Variants in ANO6 observed in about 807,000 individuals in gnomAD.
The protein encoded by ANO6 is anoctamin 6.
A neutral mutation model predicts 117.5 loss-of-function variants in ANO6; 106 were observed. The observed-to-expected ratio is 0.90, with a 90% CI of 0.77 to 1.06. ANO6 has a LOEUF of 1.06. ANO6 is among the 50% of genes least tolerant of loss of function. ANO6 has a pLI of 0.00. For synonymous variants in ANO6, 367 were observed against 385.1 expected (o/e 0.95, Z 0.55); for missense variants, 955 against 1,121.1 (o/e 0.85, Z 2.12).
chr12:45,308,373 A>G (rs1410581113), intron 2 of ANO6, among the ~76,000 whole-genome samples: 1 of 152,086 alleles, frequency 6.6e-6, no homozygotes. Flanking sequence ...TAGATTTGAT[A>G]GGAGATTGCG....
chr12:45,321,430 T>G (rs1940266553), intron 2 of ANO6, among the ~76,000 whole-genome samples: 1 of 152,174 alleles, frequency 6.6e-6, no homozygotes, highest in South Asian at 2.1e-4. Context: ...TAAGTAGATT[T>G]TACAAATGTT....
intron 1 of ANO6, among the ~76,000 whole-genome samples, chr12:45,274,820 C>G (rs984570818): frequency 1.4e-5 from 2 of 147,286 alleles, no homozygotes; most frequent in African/African-American, 5.1e-5. Flanking sequence ...CACCCTCTGT[C>G]ACCTCCCAAC....
Position 45,247,175 on chromosome 12 carries a change from C to T in ANO6, c.70+30784C>T, listed in dbSNP as rs138404923. On this transcript the variant is annotated intron_variant, in intron 1 of 19. Transcript: ENST00000320560. Reference sequence around the variant, plus strand: ...TCCTGACTTCAAGTGATCTGCCCACCTCAGCCTCCCAAAAGTGCTGGAATT... The same window carrying T: ...TCCTGACTTCAAGTGATCTGCCCACTTCAGCCTCCCAAAAGTGCTGGAATT... Among the ~76,000 whole-genome samples the T allele has an allele frequency of 1.4e-4, 22 of 152,286 alleles. No individual in the cohort carries two copies. The East Asian group carries it at 4.3e-3, about 29-fold the overall frequency.
chr12:45,415,250 T>C (rs1263411572), intron 16 of ANO6, among the ~76,000 whole-genome samples: 2 of 152,190 alleles, frequency 1.3e-5, no homozygotes, highest in Non-Finnish European at 2.9e-5. Flanking sequence ...ATCATAGTGG[T>C]CTTAGTTTTC....
chr12:45,249,933 T>A (rs1319136830), intron 1 of ANO6, among the ~76,000 whole-genome samples: 1 of 152,242 alleles, frequency 6.6e-6, no homozygotes, highest in African/African-American at 2.4e-5. Context: ...ATGAGAATGC[T>A]TCTTACTGAG....
intron 12 of ANO6, among the ~76,000 whole-genome samples, chr12:45,393,682 G>A (rs1199384628): frequency 6.6e-6 from 1 of 152,156 alleles, no homozygotes; most frequent in Non-Finnish European, 1.5e-5. Context: ...GAGAGTGGGG[G>A]CCAATATTCA....
chr12:45,393,602 C>T (rs1942518474), intron 12 of ANO6, among the ~76,000 whole-genome samples: 2 of 152,080 alleles, frequency 1.3e-5, no homozygotes, highest in African/African-American at 2.4e-5. Flanking sequence ...AGAGAAAGGC[C>T]GAGTTACCCA....
intron 1 of ANO6, among the ~76,000 whole-genome samples, chr12:45,239,079 T>C (rs947613486): frequency 6.6e-6 from 1 of 152,350 alleles, no homozygotes; most frequent in East Asian, 1.9e-4. Flanking sequence ...GAGGATTCCC[T>C]CTTTTTCTAT....
chr12:45,360,495 A>G (rs1046423290), intron 8 of ANO6, among the ~76,000 whole-genome samples: 3 of 152,248 alleles, frequency 2.0e-5, no homozygotes, highest in African/African-American at 7.2e-5. Context: ...GGCAATACCT[A>G]AATTGGAAGA....
At chr12:45,238,633 A>G (rs1055593187) in intron 1 of ANO6, among the ~76,000 whole-genome samples, 2 of 152,178 alleles carry the variant, frequency 1.3e-5, no homozygotes, top group Non-Finnish European at 2.9e-5. Context: ...TTCAAAGGGA[A>G]TGCTTCCAGT....
chr12:45,291,888 G>A (rs1021703433), intron 1 of ANO6, among the ~76,000 whole-genome samples: 3 of 152,068 alleles, frequency 2.0e-5, no homozygotes, highest in Non-Finnish European at 2.9e-5. Flanking sequence ...AATGGTGCAG[G>A]CATTGTGAAA....
chr12:45,280,868 T>TTATATA (rs780850139), intron 1 of ANO6, among the ~76,000 whole-genome samples: 24 of 145,464 alleles, frequency 1.6e-4, no homozygotes, highest in Non-Finnish European at 3.1e-4. Flanking sequence ...ATATGTGTTT[T>TTATATA]TATATATATA....
chr12:45,439,690 C>A, exon 20 of ANO6: 1 of 1,402,502 alleles, frequency 7.1e-7, no homozygotes, highest in Non-Finnish European at 9.3e-7. Context: ...CGCTTTGTTG[C>A]CCAGGCTGGG....
intron 1 of ANO6, among the ~76,000 whole-genome samples, chr12:45,288,815 G>A (rs1382178699): frequency 6.6e-6 from 1 of 151,882 alleles, no homozygotes; most frequent in African/African-American, 2.4e-5. Context: ...TGGCACTATC[G>A]CAGCTCACTG....
Position 45,431,411 on chromosome 12 carries a change from G to A in ANO6, c.*2100G>A. On this transcript the variant is annotated 3_prime_UTR_variant, in exon 20 of 20. Transcript: ENST00000320560. ...TCGCCATGTATGTCAGCATAGAAAA[G>A]GAAATGTTTTTACCTTATCTCCTGT... 2 of 985,248 alleles carry A rather than the reference G, an allele frequency of 2.0e-6. No individual in the cohort carries two copies. Among genetic ancestry groups the A allele is most frequent in the Non-Finnish European group, 2.4e-6 (2 of 829,894 alleles). 61.0% of individuals were successfully genotyped at this position (985,248 alleles called of 1,614,324 possible). A position where few individuals can be genotyped will look rare whatever the true frequency, so the allele number is the denominator to read the frequency against.
rs1232294860 is a variant in ANO6, at chr12:45,409,398, G to A, written c.1922G>A (p.Gly641Glu). The A allele has an allele frequency of 1.9e-6, 3 of 1,613,864 alleles. No homozygotes were observed. In the African/African-American group the frequency reaches 4.0e-5, roughly 22 times the overall value. ...ATTGGGCGATTTCACAGAGTTTCTGGATCAGAAAAGATAACCCCACGATGG... is the reference window on the plus strand; with the variant it reads ...ATTGGGCGATTTCACAGAGTTTCTGAATCAGAAAAGATAACCCCACGATGG... ...NLIGRFHRVS[G>E]SEKITPRWEQ... Residue 641 changes from glycine (G) to glutamate (E), a missense_variant, in exon 16 of 20, where the codon GGA (glycine) becomes GAA (glutamate). Physicochemically the swap from Gly to Glu is moderately conservative, Grantham distance 98. Transcript: ENST00000320560.
chr12:45,351,300 G>A (rs7969594), intron 7 of ANO6, among the ~76,000 whole-genome samples: 4,934 of 152,278 alleles, frequency 0.032, 242 homozygotes, highest in African/African-American at 0.11. Context: ...GGTAAGACAT[G>A]TACATTTTCA....
intron 1 of ANO6, among the ~76,000 whole-genome samples, chr12:45,227,468 G>A (rs1291226599): frequency 6.6e-6 from 1 of 152,180 alleles, no homozygotes; most frequent in East Asian, 1.9e-4. Context: ...AATGACACAA[G>A]CTTCTCAGCC....
At chr12:45,401,588 A>G (rs1198016934) in intron 12 of ANO6, among the ~76,000 whole-genome samples, 5 of 152,178 alleles carry the variant, frequency 3.3e-5, no homozygotes, top group Admixed American at 3.3e-4. Flanking sequence ...AATGTTTTAC[A>G]TATGTGGATG....
Sources: gnomAD v4.1 joint callset for allele counts (sites outside exome capture counted in the v4.1 genomes callset) on GRCh38, gnomAD v4.1.1 for gene constraint, MANE v1.5 for transcripts, NCBI Gene and HGNC (gene_info 2026-07-23, HGNC 2026-07-21) for gene names.